The following SND1 variants were observed in gnomAD, a reference collection of about 807,000 sequenced individuals.
The protein encoded by SND1 is staphylococcal nuclease domain-containing protein 1.
SND1 carries 38 observed loss-of-function variants against 121.7 expected under a neutral mutation model. The ratio of observed to expected loss-of-function variants is 0.31; its 90% confidence interval spans 0.24 to 0.41. SND1 has a LOEUF of 0.41. Among genes scored for constraint, SND1 ranks in the 10% least tolerant of loss-of-function variants. The pLI, the probability that SND1 is intolerant of heterozygous loss-of-function variation, is 1.00. For missense variants in SND1, 868 were observed against 1,184.6 expected (o/e 0.73, Z 3.92); for synonymous variants, 401 against 447.4 (o/e 0.90, Z 1.31).
At chr7:127,744,088 ATGAT>A (rs1796933672) in intron 10 of SND1, among the ~76,000 whole-genome samples, 1 of 152,166 alleles carries the variant, frequency 6.6e-6, no homozygotes, top group East Asian at 1.9e-4. Context: ...TTTCATGATG[ATGAT>A]TAAGTTGTAA....
At chr7:127,813,546 T>TTTGTTGTTG (rs575148903) in intron 11 of SND1, among the ~76,000 whole-genome samples, 1 of 152,064 alleles carries the variant, frequency 6.6e-6, no homozygotes, top group Admixed American at 6.6e-5. Flanking sequence ...AAGTGTGTTA[T>TTTGTTGTTG]TTGTTGTTGT....
At chr7:127,679,685 A>G (rs1795679050) in intron 1 of SND1, among the ~76,000 whole-genome samples, 1 of 152,160 alleles carries the variant, frequency 6.6e-6, no homozygotes, top group African/African-American at 2.4e-5. Flanking sequence ...ACAGTTCAGT[A>G]TGTGGCCATT....
At chr7:127,964,593 T>C (rs989332723) in intron 15 of SND1, among the ~76,000 whole-genome samples, 3 of 152,096 alleles carry the variant, frequency 2.0e-5, no homozygotes, top group Admixed American at 6.5e-5. Context: ...CTGAGGGCCC[T>C]GTTCTGTTCC....
chr7:127,810,100 G>C (rs1332736001), intron 11 of SND1, among the ~76,000 whole-genome samples: 2 of 151,554 alleles, frequency 1.3e-5, no homozygotes, highest in Non-Finnish European at 3.0e-5. Context: ...TACTTTTTCA[G>C]TTATGATATA....
chr7:127,764,056 A>AAAAAAAAAAAAAAAAAAAAAC (rs1554422863), intron 10 of SND1, among the ~76,000 whole-genome samples: 3 of 135,212 alleles, frequency 2.2e-5, no homozygotes, highest in Admixed American at 8.0e-5. Flanking sequence ...AAAAAAACAA[A>AAAAAAAAAAAAAAAAAAAAAC]AAAACAAAAA....
At chr7:127,660,409 C>T (rs1001816781) in intron 1 of SND1, among the ~76,000 whole-genome samples, 2 of 152,124 alleles carry the variant, frequency 1.3e-5, no homozygotes, top group African/African-American at 4.8e-5. Context: ...AGTGTGGGGG[C>T]TAATAGGGTC....
chr7:127,670,041 A>G (rs912086585), intron 1 of SND1, among the ~76,000 whole-genome samples: 1 of 150,488 alleles, frequency 6.6e-6, no homozygotes, highest in Admixed American at 6.7e-5. Flanking sequence ...CCCAGGCTGG[A>G]GTGCAGTGGC....
chr7:127,767,320 G>A (rs768311052), intron 10 of SND1, among the ~76,000 whole-genome samples: 1 of 152,144 alleles, frequency 6.6e-6, no homozygotes, highest in Non-Finnish European at 1.5e-5. Flanking sequence ...TGCATGGTGG[G>A]GGCCCAGCTT....
At chr7:127,996,237 G>A (rs1430736732) in intron 16 of SND1, among the ~76,000 whole-genome samples, 2 of 152,180 alleles carry the variant, frequency 1.3e-5, no homozygotes, top group Non-Finnish European at 2.9e-5. Flanking sequence ...CCTCAGCCAT[G>A]AATATTGGTG....
chr7:128,091,766 T>A, intron 22 of SND1, 71 bp from the exon 23 acceptor site: 1 of 1,532,278 alleles, frequency 6.5e-7, no homozygotes, highest in Non-Finnish European at 9.0e-7. Context: ...ACCTAAGCAT[T>A]CTGCAGGGTC....
At chr7:127,954,857 AG>A (rs1321314962) in intron 15 of SND1, among the ~76,000 whole-genome samples, 2 of 152,124 alleles carry the variant, frequency 1.3e-5, no homozygotes, top group Non-Finnish European at 2.9e-5. Flanking sequence ...AGAATCATAA[AG>A]GGTGTTGCAC....
At chr7:127,920,913 T>C (rs1215880324) in intron 14 of SND1, among the ~76,000 whole-genome samples, 1 of 151,846 alleles carries the variant, frequency 6.6e-6, no homozygotes, top group African/African-American at 2.4e-5. Context: ...GTATTTTCTG[T>C]CGATGATAAA....
chr7:127,775,437 A>C (rs879318725), intron 10 of SND1, among the ~76,000 whole-genome samples: 4 of 152,010 alleles, frequency 2.6e-5, no homozygotes, highest in Non-Finnish European at 5.9e-5. Flanking sequence ...TTTTAAGCAA[A>C]TATCACATAT....
At chr7:127,901,340 C>T (rs1266164698) in intron 13 of SND1, among the ~76,000 whole-genome samples, 1 of 152,134 alleles carries the variant, frequency 6.6e-6, no homozygotes, top group African/African-American at 2.4e-5. Context: ...GGAATTTGCT[C>T]CTCTCCTCTG....
chr7:128,091,692 G>C lies in SND1; in HGVS notation c.2623-145G>C, dbSNP rs528207764. 1.3e-5 allele frequency: 11 copies of C among 825,460 alleles called. No homozygotes were observed. The South Asian group carries it at 1.6e-4, about 12-fold the overall frequency. The allele number at this position is 825,460 out of a possible 1,614,324, so 51.1% of individuals were successfully genotyped here. ...GGAGACTAATGTGATTGTGTTTTCC[G>C]TTTTACTCTGAGGGAACTAAGGCTC... On this transcript the variant is annotated intron_variant, in intron 22 of 23. Coordinates refer to ENST00000354725, the MANE Select transcript of SND1 (RefSeq NM_014390.4).
intron 2 of SND1, among the ~76,000 whole-genome samples, chr7:127,694,303 G>T (rs767567486): frequency 2.0e-5 from 3 of 152,208 alleles, no homozygotes; most frequent in Non-Finnish European, 4.4e-5. Context: ...GCTTTAACTG[G>T]TTTCAGGCTA....
chr7:127,844,206 A>T, intron 11 of SND1, 118 bp from the exon 12 acceptor site: 1 of 568,312 alleles, frequency 1.8e-6, no homozygotes, highest in Non-Finnish European at 3.0e-6. Flanking sequence ...TAAAAATCTT[A>T]GATTCAGAAA....
At chr7:127,872,622 ACACACG>A (rs1185508196) in intron 12 of SND1, among the ~76,000 whole-genome samples, 242 of 101,676 alleles carry the variant, frequency 2.4e-3, no homozygotes, top group African/African-American at 0.01. Flanking sequence ...CTTTTTTAAC[ACACACG>A]CACACACACA....
Position 127,749,042 on chromosome 7 carries a change from C to CA in SND1, c.1152+27642_1152+27643insA, listed in dbSNP as rs1491284090. 5.2e-5 allele frequency among the ~76,000 whole-genome samples: 6 copies of CA among 114,606 alleles called. No homozygotes were observed. The East Asian group carries it at 1.6e-3, about 30-fold the overall frequency. The allele number at this position is 114,606 out of a possible 152,430, so 75.2% of individuals were successfully genotyped here. ...GATATGTTAATGTATTTTTTTCTTT[C>CA]GTTTTTTTTTTTTTTTTTTTGAGAC... On this transcript the variant is annotated intron_variant, in intron 10 of 23. Transcript: ENST00000354725.
Sources: gnomAD v4.1 joint callset for allele counts (sites outside exome capture counted in the v4.1 genomes callset) on GRCh38, gnomAD v4.1.1 for gene constraint, MANE v1.5 for transcripts, NCBI Gene and HGNC (gene_info 2026-07-23, HGNC 2026-07-21) for gene names.